CRABP1: variants seen among roughly 807,000 people sequenced by gnomAD.
The protein encoded by CRABP1 is cellular retinoic acid-binding protein 1.
In CRABP1, 9 loss-of-function variants were observed where a neutral mutation model predicts 16.4. The observed-to-expected ratio is 0.55, with a 90% CI of 0.33 to 0.96. CRABP1 has a LOEUF of 0.96. Among genes scored for constraint, CRABP1 ranks in the 40% least tolerant of loss-of-function variants. The probability of loss-of-function intolerance (pLI) is 0.03; values close to 1 mark genes in which losing one functional copy is unlikely to be tolerated. For synonymous variants in CRABP1, 72 were observed against 70.4 expected, an observed-to-expected ratio of 1.02 and a Z score of -0.11; for missense variants, 157 against 186.0, an observed-to-expected ratio of 0.84 and a Z score of 0.91.
In CRABP1 at chr15:78,340,414, G is replaced by GCCGCCA. The variant is rs761032471; in HGVS notation, c.-6_-1dup. The GCCGCCA allele has an allele frequency of 5.3e-5, 84 of 1,583,082 alleles. 2 individuals carry two copies. The South Asian group carries it at 8.0e-4, about 15-fold the overall frequency. ...GCCGCCGCTGTCCGTACCTGCCGCC[G>GCCGCCA]CCGCCACCGCCACCATGCCCAACTT... On this transcript the variant is annotated 5_prime_UTR_variant, in exon 1 of 4. Transcript: ENST00000299529.
In CRABP1 at chr15:78,346,848, G is replaced by A. The variant is rs2141528946; in HGVS notation, c.364-1079G>A. Among the ~76,000 whole-genome samples the A allele has an allele frequency of 2.0e-5, 3 of 152,314 alleles. No homozygotes were observed. In the Middle Eastern group the frequency reaches 0.01, roughly 518 times the overall value. ...CTAGGATAGCTAAATGCCTCGTTTA[G>A]TGGTTTTAACATCTCTGTAATTTCA... On this transcript the variant is annotated intron_variant, in intron 3 of 3. Transcript: ENST00000299529.
intron 3 of CRABP1, among the ~76,000 whole-genome samples, chr15:78,344,439 G>A (rs941119976): frequency 6.9e-5 from 10 of 145,134 alleles, no homozygotes; most frequent in Non-Finnish European, 9.0e-5. Context: ...CAGCCTGGGC[G>A]ACAGAGACTC....
chr15:78,346,533 G>A (rs1320415693), intron 3 of CRABP1, among the ~76,000 whole-genome samples: 1 of 152,206 alleles, frequency 6.6e-6, no homozygotes, highest in African/African-American at 2.4e-5. Flanking sequence ...GCTGGGCATG[G>A]TGGTGTATGC....
At chr15:78,340,922 A>T (rs528682641) in intron 1 of CRABP1, 121 bp from the exon 2 acceptor site, 1 of 1,010,482 alleles carries the variant, frequency 9.9e-7, no homozygotes, top group East Asian at 2.6e-5. Flanking sequence ...GGGCGAGGGC[A>T]GGGAAACGAG....
chr15:78,346,987 G>GTTTTTTTT (rs202225866), intron 3 of CRABP1, among the ~76,000 whole-genome samples: 5 of 143,232 alleles, frequency 3.5e-5, no homozygotes, highest in African/African-American at 1.4e-4. Context: ...CTTGGTTTTT[G>GTTTTTTTT]TTTTTGTTTT....
At chr15:78,347,035 A>C (rs7164468) in intron 3 of CRABP1, among the ~76,000 whole-genome samples, 3,735 of 151,178 alleles carry the variant, frequency 0.025, 160 homozygotes, top group African/African-American at 0.085. Context: ...CCCTGTTCTA[A>C]CTGCCTGTGA....
Position 78,347,968 on chromosome 15 carries a change from C to G in CRABP1, c.405C>G (p.Val135=), listed in dbSNP as rs964383073. ...ACGTGGTCTGCACCAGAATTTATGT[C>G]CGAGAGTGAAGGCAGCTGGCTTGCT... ...ADDVVCTRIY[V]RE is the part of the protein sequence containing the mutation. Residue 135 remains valine (V), a synonymous_variant, in exon 4 of 4, where the codon GTC becomes GTG. Transcript: ENST00000299529. 1 of 1,614,114 alleles carries G rather than the reference C, an allele frequency of 6.2e-7. No homozygotes were observed.
intron 1 of CRABP1, 53 bp from the exon 2 acceptor site, chr15:78,340,990 C>T (rs898948370): frequency 7.0e-6 from 11 of 1,561,804 alleles, no homozygotes; most frequent in Non-Finnish European, 9.5e-6. Flanking sequence ...CCGACCGGTC[C>T]CGAGACTGGC....
At chr15:78,343,374 G>C (rs1451389082) in intron 2 of CRABP1, 125 bp from the exon 3 acceptor site, 1 of 734,572 alleles carries the variant, frequency 1.4e-6, no homozygotes, top group Non-Finnish European at 2.3e-6. Context: ...AGAAGAATCT[G>C]TGGCCTGCTG....
At chr15:78,340,739 G>A (rs939167869) in intron 1 of CRABP1, 11 of 602,950 alleles carry the variant, frequency 1.8e-5, no homozygotes, top group East Asian at 1.4e-4. Flanking sequence ...TCGATGGTGC[G>A]GACTTTATCT....
rs2050263309 is a variant in CRABP1 at position 78,346,045 on chromosome 15, G to A, written c.364-1882G>A. On this transcript the variant is annotated intron_variant, in intron 3 of 3. Coordinates refer to ENST00000299529, the MANE Select transcript of CRABP1 (RefSeq NM_004378.3). ...GGGCGCTTCAAATGTGGTTGGAAAT[G>A]CGGCGATTTCTTCTCATGTCATGAA... 1.3e-5 allele frequency among the ~76,000 whole-genome samples: 2 copies of A among 152,328 alleles called. 1 individual carries two copies. The highest frequency in any genetic ancestry group is 4.1e-4 in the South Asian group (2 of 4,822).
Position 78,348,109 on chromosome 15 carries a change from T to G in CRABP1, c.*132T>G. On this transcript the variant is annotated 3_prime_UTR_variant, in exon 4 of 4. Transcript: ENST00000299529. Reference sequence around the variant, plus strand: ...GGTGATCCCGTTTTCCCCATGACAATGTTGTAGTGTCCCCCACCCCCACCC... The same window carrying G: ...GGTGATCCCGTTTTCCCCATGACAAGGTTGTAGTGTCCCCCACCCCCACCC... The G allele has an allele frequency of 1.2e-6, 1 of 823,124 alleles. No individual in the cohort carries two copies. The highest frequency in any genetic ancestry group is 1.7e-5 in the South Asian group (1 of 59,950). The allele number at this position is 823,124 out of a possible 1,614,324, so 51.0% of individuals were successfully genotyped here. A position where few individuals can be genotyped will look rare whatever the true frequency, so the allele number is the denominator to read the frequency against.
At chr15:78,340,527 C>CGG in intron 1 of CRABP1, 29 bp downstream of exon 1, 1 of 1,594,896 alleles carries the variant, frequency 6.3e-7, no homozygotes, top group Non-Finnish European at 8.5e-7. Flanking sequence ...CGCGCCCCGA[C>CGG]GGGGAGATGC....
chr15:78,340,394 C>A lies in CRABP1; in HGVS notation c.-35C>A, dbSNP rs1483460042. ...GCTCAGAGTGTGCCCGCTGCGCCGC[C>A]GCTGTCCGTACCTGCCGCCGCCGCC... On this transcript the variant is annotated 5_prime_UTR_variant, in exon 1 of 4. Transcript: ENST00000299529. The A allele has an allele frequency of 6.4e-7, 1 of 1,566,866 alleles. No individual in the cohort carries two copies. Among genetic ancestry groups the A allele is most frequent in the Admixed American group, 1.9e-5 (1 of 52,442 alleles).
intron 1 of CRABP1, chr15:78,340,797 A>C: frequency 1.7e-6 from 1 of 603,814 alleles, no homozygotes; most frequent in Admixed American, 3.0e-5. Flanking sequence ...AAGGAGGATC[A>C]GGGACTTAAA....
chr15:78,344,353 G>A (rs1236370242), intron 3 of CRABP1, among the ~76,000 whole-genome samples: 2 of 151,976 alleles, frequency 1.3e-5, no homozygotes, highest in Admixed American at 6.6e-5. Flanking sequence ...CCAGCTACTC[G>A]GGAAGCTGAG....
Position 78,343,628 on chromosome 15 carries a change from C to A in CRABP1, c.363+16C>A. 1 of 1,608,296 alleles carries A rather than the reference C, an allele frequency of 6.2e-7. No homozygotes were observed. The highest frequency in any genetic ancestry group is 8.5e-7 in the Non-Finnish European group (1 of 1,175,120). On this transcript the variant is annotated intron_variant, in intron 3 of 3. Coordinates refer to ENST00000299529, the MANE Select transcript of CRABP1 (RefSeq NM_004378.3). Reference sequence around the variant, plus strand: ...ACTTATCCTGGTAGGGAACCCTTGACCCTGAAATAATCCTGAAGTTCCCCC... The same window carrying A: ...ACTTATCCTGGTAGGGAACCCTTGAACCTGAAATAATCCTGAAGTTCCCCC...
intron 3 of CRABP1, among the ~76,000 whole-genome samples, chr15:78,344,865 G>C (rs1366012464): frequency 2.0e-5 from 3 of 151,694 alleles, no homozygotes; most frequent in Admixed American, 2.0e-4. Context: ...GCAGTGAACT[G>C]TGATCATGCC....
intron 3 of CRABP1, 68 bp downstream of exon 3, chr15:78,343,680 A>C: frequency 1.7e-6 from 2 of 1,150,802 alleles, no homozygotes. Flanking sequence ...GGGCCCCACA[A>C]ATATGTCCTC....
Sources: gnomAD v4.1 joint callset for allele counts (sites outside exome capture counted in the v4.1 genomes callset) on GRCh38, gnomAD v4.1.1 for gene constraint, MANE v1.5 for transcripts, NCBI Gene and HGNC (gene_info 2026-07-23, HGNC 2026-07-21) for gene names.